The following MALRD1 variants were observed in gnomAD, a reference collection of about 807,000 sequenced individuals.
MALRD1 encodes the protein MAM and LDL receptor class A domain containing 1.
In MALRD1, 247 loss-of-function variants were observed where a neutral mutation model predicts 242.1. The ratio of observed to expected loss-of-function variants is 1.02; its 90% CI spans 0.92 to 1.13. The LOEUF (loss-of-function observed/expected upper bound fraction) is 1.13. Among genes scored for constraint, MALRD1 ranks in the 50% most tolerant of loss-of-function variants. The pLI is 0.00. For missense variants in MALRD1, 2,989 were observed against 2,533.1 expected (o/e 1.18, Z -3.86); for synonymous variants, 995 against 866.6 (o/e 1.15, Z -2.60).
At chr10:19,483,505 A>T (rs968224756) in intron 29 of MALRD1, among the ~76,000 whole-genome samples, 1 of 152,192 alleles carries the variant, frequency 6.6e-6, no homozygotes, top group African/African-American at 2.4e-5. Flanking sequence ...ACACTTCTCA[A>T]AAGAAGACAT....
At chr10:19,435,259 G>A (rs1420376241) in intron 28 of MALRD1, among the ~76,000 whole-genome samples, 1 of 151,850 alleles carries the variant, frequency 6.6e-6, no homozygotes, top group Non-Finnish European at 1.5e-5. Context: ...TGCAAAGATA[G>A]TACAGGGAGT....
chr10:19,185,847 G>A (rs1050517866), intron 14 of MALRD1, among the ~76,000 whole-genome samples: 3 of 151,314 alleles, frequency 2.0e-5, no homozygotes, highest in African/African-American at 4.9e-5. Context: ...GTGTGTGTTA[G>A]TCTTTGAATT....
chr10:19,332,672 T>C (rs1299621012), intron 24 of MALRD1, among the ~76,000 whole-genome samples: 2 of 152,222 alleles, frequency 1.3e-5, no homozygotes, highest in African/African-American at 4.8e-5. Context: ...AACTTCAGTA[T>C]ATAGAGCTTA....
chr10:19,331,192 A>G (rs957209023), intron 23 of MALRD1, among the ~76,000 whole-genome samples, 177 bp from the exon 24 acceptor site: 1 of 152,176 alleles, frequency 6.6e-6, no homozygotes, highest in African/African-American at 2.4e-5. Flanking sequence ...CCTAGGTCTT[A>G]AATGGTCCTT....
chr10:19,577,752 C>CAT (rs568665337), intron 33 of MALRD1, among the ~76,000 whole-genome samples: 4,657 of 150,546 alleles, frequency 0.031, 79 homozygotes, highest in Non-Finnish European at 0.039. Flanking sequence ...TGTAACATAA[C>CAT]ATATATATAT....
intron 5 of MALRD1, among the ~76,000 whole-genome samples, chr10:19,120,890 T>C (rs1262767405): frequency 6.6e-6 from 1 of 152,060 alleles, no homozygotes; most frequent in African/African-American, 2.4e-5. Context: ...ACTACAGGCA[T>C]GCAACACCAC....
chr10:19,079,785 G>C (rs990183872), intron 2 of MALRD1, among the ~76,000 whole-genome samples: 1 of 151,862 alleles, frequency 6.6e-6, no homozygotes, highest in Non-Finnish European at 1.5e-5. Flanking sequence ...TCAGGCAAGA[G>C]AAAGAAAGAA....
chr10:19,229,496 C>G (rs188866846), intron 18 of MALRD1, among the ~76,000 whole-genome samples: 1 of 152,262 alleles, frequency 6.6e-6, no homozygotes, highest in African/African-American at 2.4e-5. Flanking sequence ...GTTCCGCTGG[C>G]TGATCTCTAT....
intron 11 of MALRD1, among the ~76,000 whole-genome samples, chr10:19,148,788 A>ATATATATATATATATATATATAT (rs1554797975): frequency 1.1e-5 from 1 of 88,014 alleles, no homozygotes; most frequent in Non-Finnish European, 2.5e-5. Flanking sequence ...AAAAAAAAAA[A>ATATATATATATATATATATATAT]ATATATATAT....
chr10:19,274,935 T>C (rs1840436762), intron 19 of MALRD1, among the ~76,000 whole-genome samples: 1 of 152,168 alleles, frequency 6.6e-6, no homozygotes, highest in Non-Finnish European at 1.5e-5. Context: ...TAATACTATT[T>C]ACCACAATAA....
chr10:19,636,759 C>T (rs1189692798), intron 36 of MALRD1, among the ~76,000 whole-genome samples: 4 of 151,726 alleles, frequency 2.6e-5, no homozygotes, highest in African/African-American at 7.3e-5. Context: ...CTTAGCCAGG[C>T]GCGGTGGCAT....
intron 26 of MALRD1, among the ~76,000 whole-genome samples, chr10:19,373,808 T>C (rs1023334490): frequency 1.1e-4 from 17 of 152,214 alleles, no homozygotes; most frequent in African/African-American, 3.6e-4. Context: ...CTGTTTTGTG[T>C]GTATAACTCA....
intron 36 of MALRD1, among the ~76,000 whole-genome samples, chr10:19,666,959 A>T (rs1841706704): frequency 6.6e-6 from 1 of 152,292 alleles, no homozygotes; most frequent in Admixed American, 6.5e-5. Context: ...AAATGCATTC[A>T]CTTTACAGAC....
chr10:19,541,416 T>C (rs1834963576), intron 32 of MALRD1, among the ~76,000 whole-genome samples: 1 of 152,216 alleles, frequency 6.6e-6, no homozygotes, highest in Non-Finnish European at 1.5e-5. Context: ...CTTACTATTT[T>C]CAGCAGAAAC....
chr10:19,613,625 T>G (rs534745695), intron 35 of MALRD1, among the ~76,000 whole-genome samples: 44 of 152,198 alleles, frequency 2.9e-4, no homozygotes, highest in Non-Finnish European at 5.4e-4. Flanking sequence ...GGCTCCCAAA[T>G]TTTAGTCTTG....
At chr10:19,375,721 G>A (rs1019780823) in intron 26 of MALRD1, among the ~76,000 whole-genome samples, 24 of 152,254 alleles carry the variant, frequency 1.6e-4, no homozygotes, top group African/African-American at 5.8e-4. Context: ...AAAGCCACAC[G>A]CTAACAAAAC....
intron 24 of MALRD1, among the ~76,000 whole-genome samples, chr10:19,343,460 C>G (rs1488036098): frequency 1.3e-5 from 2 of 152,104 alleles, no homozygotes; most frequent in African/African-American, 4.8e-5. Context: ...TCCATCTTTA[C>G]AAAGATCTTC....
At chr10:19,367,109 T>C (rs186447129) in intron 26 of MALRD1, among the ~76,000 whole-genome samples, 1 of 152,310 alleles carries the variant, frequency 6.6e-6, no homozygotes, top group African/African-American at 2.4e-5. Flanking sequence ...ATTATTTATT[T>C]GTATTGGAAA....
intron 28 of MALRD1, among the ~76,000 whole-genome samples, chr10:19,449,758 A>C (rs370231336): frequency 6.6e-6 from 1 of 152,196 alleles, no homozygotes; most frequent in African/African-American, 2.4e-5. Flanking sequence ...CCTGGTTGAC[A>C]AAATAATCTG....
Sources: gnomAD v4.1 joint callset for allele counts (sites outside exome capture counted in the v4.1 genomes callset) on GRCh38, gnomAD v4.1.1 for gene constraint, MANE v1.5 for transcripts, NCBI Gene and HGNC (gene_info 2026-07-23, HGNC 2026-07-21) for gene names.